Variants in CUX1 observed in about 807,000 individuals in gnomAD.
CUX1 encodes the protein cut like homeobox 1, also known as protein CASP.
In CUX1, 31 loss-of-function variants were observed where a neutral mutation model predicts 158.8. That is an observed-to-expected ratio of 0.20 (90% CI 0.15 to 0.26). CUX1 has a LOEUF of 0.26. Ranked by LOEUF, CUX1 falls within the 10% of genes least tolerant of loss-of-function variation. The pLI is 1.00. For missense variants in CUX1, 1,589 were observed against 2,014.6 expected, an observed-to-expected ratio of 0.79 and a Z score of 4.04; for synonymous variants, 879 against 862.1, an observed-to-expected ratio of 1.02 and a Z score of -0.34.
At chr7:101,865,073 C>T (rs943153721) in intron 1 of CUX1, among the ~76,000 whole-genome samples, 1 of 152,104 alleles carries the variant, frequency 6.6e-6, no homozygotes, top group African/African-American at 2.4e-5. Context: ...CACAAAGATA[C>T]CAAAACCCAG....
intron 4 of CUX1, among the ~76,000 whole-genome samples, chr7:102,089,223 T>A (rs1828276436): frequency 6.6e-6 from 1 of 152,226 alleles, no homozygotes; most frequent in African/African-American, 2.4e-5. Flanking sequence ...GTATTCATAT[T>A]TTTCTTTAAA....
At chr7:102,132,580 T>A (rs1833421549) in intron 8 of CUX1, among the ~76,000 whole-genome samples, 1 of 151,990 alleles carries the variant, frequency 6.6e-6, no homozygotes. Flanking sequence ...TGAGCCCTCC[T>A]GTCTAATTCA....
At chr7:102,186,055 C>G (rs1343467092) in intron 11 of CUX1, among the ~76,000 whole-genome samples, 1 of 152,210 alleles carries the variant, frequency 6.6e-6, no homozygotes, top group Non-Finnish European at 1.5e-5. Flanking sequence ...ACTGGCGTGC[C>G]TGTCGCCCGT....
Position 102,204,492 on chromosome 7 carries a change from G to T in CUX1, c.3009G>T (p.Gln1003His). ...GCCGAGAACCCTTCATCCGGATGCA[G>T]CTCTGGCTGAACGGCGAGCTAGGCC... is the stretch of plus-strand genomic sequence containing the variant. The part of the protein sequence containing the change: ...QKGREPFIRM[Q>H]LWLNGELGQG... The change falls in exon 19 of 24, where the codon CAG becomes CAT. Residue 1003 changes from glutamine to histidine, a missense_variant. By Grantham distance (24) the Gln-to-His change is conservative (BLOSUM62 0). Coordinates refer to ENST00000292535, the MANE Select transcript of CUX1 (RefSeq NM_181552.4). The T allele has an allele frequency of 6.2e-7, 1 of 1,613,824 alleles. No individual in the cohort carries two copies. Among genetic ancestry groups the T allele is most frequent in the Non-Finnish European group, 8.5e-7 (1 of 1,180,038 alleles).
At chr7:102,197,677 C>T (rs1324193676) in intron 15 of CUX1, among the ~76,000 whole-genome samples, 1 of 152,108 alleles carries the variant, frequency 6.6e-6, no homozygotes, top group Non-Finnish European at 1.5e-5. Context: ...GCCCTTAAGT[C>T]CCCTCCAGCC....
At chr7:101,876,891 G>C (rs540684974) in intron 1 of CUX1, among the ~76,000 whole-genome samples, 1 of 150,294 alleles carries the variant, frequency 6.7e-6, no homozygotes, top group East Asian at 2.1e-4. Flanking sequence ...TGAGATTCCA[G>C]GCGTGAGCCA....
At chr7:101,984,089 A>AAAAAAAAAAAT (rs1221503978) in intron 2 of CUX1, among the ~76,000 whole-genome samples, 1 of 29,846 alleles carries the variant, frequency 3.4e-5, no homozygotes, top group African/African-American at 1.2e-4. Flanking sequence ...AAAAAAAAAA[A>AAAAAAAAAAAT]ATATATATAT....
intron 1 of CUX1, among the ~76,000 whole-genome samples, chr7:101,914,314 C>T (rs973575674): frequency 4.6e-5 from 7 of 151,148 alleles, no homozygotes; most frequent in African/African-American, 7.3e-5. Flanking sequence ...TTTTTCTTTC[C>T]TCCCCTGCTT....
chr7:102,255,641 GA>G lies in CUX1; in HGVS notation c.*6603del. 2.0e-6 allele frequency: 2 copies of G among 985,370 alleles called. No homozygotes were observed. Among genetic ancestry groups the G allele is most frequent in the Non-Finnish European group, 1.2e-6 (1 of 829,904 alleles). The allele number at this position is 985,370 out of a possible 1,614,324, so 61.0% of individuals were successfully genotyped here. ...GTATCAAGCTTTCTGTAATCAGAAA[GA>G]AAAGGTGCCTTATATCCCAATGTCA... On this transcript the variant is annotated 3_prime_UTR_variant, in exon 24 of 24. Coordinates refer to ENST00000292535, the MANE Select transcript of CUX1 (RefSeq NM_181552.4).
At chr7:102,283,139 C>A in exon 23 of CUX1, 1 of 1,431,408 alleles carries the variant, frequency 7.0e-7, no homozygotes, top group Non-Finnish European at 9.9e-7. Flanking sequence ...TCCACCCCGA[C>A]TGCTCAGTGC....
rs964557562 is a variant in CUX1 at position 102,104,342 on chromosome 7, C to T, written c.413C>T (p.Thr138Met). ...TTTTTTTTCTTTTCTGCAGAGGTTA[C>T]GATAAAAGCACTTAAAGAGAAAATC... ...EFAEVKNQEV[T>M]IKALKEKIRE... The change falls in exon 6 of 24, where the codon ACG becomes ATG. Residue 138 changes from threonine to methionine, a missense_variant. Thr to Met is a moderately conservative substitution (Grantham distance 81, BLOSUM62 -1). Coordinates refer to ENST00000292535, the MANE Select transcript of CUX1 (RefSeq NM_181552.4). The T allele has an allele frequency of 9.4e-6, 15 of 1,601,032 alleles. No homozygotes were observed. The highest frequency in any genetic ancestry group is 3.3e-5 in the South Asian group (3 of 90,842).
At chr7:102,035,496 A>G (rs1230981546) in intron 3 of CUX1, among the ~76,000 whole-genome samples, 4 of 152,062 alleles carry the variant, frequency 2.6e-5, no homozygotes, top group Non-Finnish European at 4.4e-5. Context: ...AAGTATTGCA[A>G]CAGAAGAAAT....
intron 20 of CUX1, among the ~76,000 whole-genome samples, chr7:102,216,853 TCACA>T (rs1275561092): frequency 5.0e-5 from 7 of 140,214 alleles, no homozygotes; most frequent in Middle Eastern, 3.6e-3. Context: ...TCTCTCTCCC[TCACA>T]CACACATTCT....
At chr7:102,157,846 C>A (rs1180451076) in intron 8 of CUX1, among the ~76,000 whole-genome samples, 1 of 152,112 alleles carries the variant, frequency 6.6e-6, no homozygotes, top group African/African-American at 2.4e-5. Flanking sequence ...GTTGGGTTCG[C>A]GTATTTGCCT....
In CUX1 at chr7:102,010,396, C is replaced by CAAA. The variant is rs35965710; in HGVS notation, c.142-17683_142-17681dup. ...GCAACAGAACAAGAAGACTCTGTCT[C>CAAA]AAAAAAAAAAAAAAAAAAAAACTGA... On this transcript the variant is annotated intron_variant, in intron 2 of 23. Coordinates refer to ENST00000292535, the MANE Select transcript of CUX1 (RefSeq NM_181552.4). 5.8e-4 allele frequency among the ~76,000 whole-genome samples: 52 copies of CAAA among 90,216 alleles called. 2 individuals are homozygous for CAAA. The highest frequency in any genetic ancestry group is 1.3e-3 in the Admixed American group (11 of 8,250). The allele number at this position is 90,216 out of a possible 152,430, so 59.2% of individuals were successfully genotyped here.
chr7:101,870,155 T>TTG (rs1378800875), intron 1 of CUX1, among the ~76,000 whole-genome samples: 4 of 148,016 alleles, frequency 2.7e-5, no homozygotes, highest in African/African-American at 2.5e-5. Flanking sequence ...TTTTTTTTGT[T>TTG]TTTTTTTTTT....
intron 2 of CUX1, among the ~76,000 whole-genome samples, chr7:101,979,933 C>T (rs1217764981): frequency 6.6e-6 from 1 of 152,082 alleles, no homozygotes; most frequent in Non-Finnish European, 1.5e-5. Context: ...GGATTACAGG[C>T]GTGAGCCACC....
At chr7:102,230,708 G>GA (rs1798868348) in intron 21 of CUX1, among the ~76,000 whole-genome samples, 1 of 151,992 alleles carries the variant, frequency 6.6e-6, no homozygotes, top group Non-Finnish European at 1.5e-5. Context: ...CTGTTGATTT[G>GA]AAAAAATGGC....
At chr7:101,927,508 A>T (rs947358288) in intron 2 of CUX1, among the ~76,000 whole-genome samples, 1 of 152,092 alleles carries the variant, frequency 6.6e-6, no homozygotes, top group Admixed American at 6.6e-5. Context: ...AAAATGAAGA[A>T]ATTAGCCGGG....
Sources: gnomAD v4.1 joint callset for allele counts (sites outside exome capture counted in the v4.1 genomes callset) on GRCh38, gnomAD v4.1.1 for gene constraint, MANE v1.5 for transcripts, NCBI Gene and HGNC (gene_info 2026-07-23, HGNC 2026-07-21) for gene names.